Variants in PTPRK observed in about 807,000 individuals in gnomAD.
The protein encoded by PTPRK is receptor-type tyrosine-protein phosphatase kappa.
In PTPRK, 75 loss-of-function variants were observed where a neutral mutation model predicts 178.0. The ratio of observed to expected loss-of-function variants is 0.42; its 90% confidence interval spans 0.35 to 0.51. The LOEUF (loss-of-function observed/expected upper bound fraction) is 0.51. PTPRK is among the 20% of genes least tolerant of loss of function. The probability of loss-of-function intolerance (pLI) is 0.02; values close to 1 mark genes in which losing one functional copy is unlikely to be tolerated. For missense variants in PTPRK, 1,441 were observed against 1,797.8 expected (o/e 0.80, Z 3.59); for synonymous variants, 637 against 620.6 (o/e 1.03, Z -0.39).
chr6:128,409,938 C>A (rs1842111400), intron 1 of PTPRK, among the ~76,000 whole-genome samples: 1 of 152,146 alleles, frequency 6.6e-6, no homozygotes, highest in Non-Finnish European at 1.5e-5. Context: ...TCTTTATCAG[C>A]AGCGTGAAAA....
intron 4 of PTPRK, among the ~76,000 whole-genome samples, chr6:128,242,195 T>C (rs1324863540): frequency 6.6e-6 from 1 of 152,168 alleles, no homozygotes; most frequent in Non-Finnish European, 1.5e-5. Context: ...TTTGCTATTC[T>C]TCTCTGTTTT....
intron 1 of PTPRK, among the ~76,000 whole-genome samples, chr6:128,494,201 T>TAAAAAAAAA (rs11301155): frequency 1.8e-5 from 2 of 112,944 alleles, no homozygotes; most frequent in Non-Finnish European, 3.6e-5. Flanking sequence ...CCCTGTATCT[T>TAAAAAAAAA]AAAAAAAAAA....
intron 2 of PTPRK, among the ~76,000 whole-genome samples, chr6:128,394,967 T>A (rs1311041169): frequency 6.6e-6 from 1 of 152,162 alleles, no homozygotes; most frequent in African/African-American, 2.4e-5. Flanking sequence ...AGCCAGCTTT[T>A]ATAGAGTTCC....
intron 6 of PTPRK, among the ~76,000 whole-genome samples, chr6:128,209,882 G>T (rs775580150): frequency 1.3e-5 from 2 of 152,140 alleles, no homozygotes; most frequent in Non-Finnish European, 2.9e-5. Context: ...AAGGACTGAA[G>T]GGGGTGAGCC....
intron 3 of PTPRK, among the ~76,000 whole-genome samples, chr6:128,266,136 G>A (rs753359011): frequency 6.6e-6 from 1 of 152,120 alleles, no homozygotes; most frequent in Non-Finnish European, 1.5e-5. Context: ...AGACTGAAGT[G>A]ACTAAGCTAG....
At chr6:128,104,001 G>T (rs1490828618) in intron 7 of PTPRK, among the ~76,000 whole-genome samples, 1 of 152,116 alleles carries the variant, frequency 6.6e-6, no homozygotes, top group African/African-American at 2.4e-5. Context: ...TGCCAGCTAC[G>T]CTTCTTGTCC....
At chr6:128,009,028 T>C (rs1271030369) in intron 14 of PTPRK, 102 bp downstream of exon 14, 1 of 1,076,692 alleles carries the variant, frequency 9.3e-7, no homozygotes, top group Non-Finnish European at 1.3e-6. Context: ...AAAATTTTCT[T>C]CCTGTTGTTT....
chr6:128,278,310 C>T (rs1821101066), intron 3 of PTPRK, among the ~76,000 whole-genome samples: 1 of 152,050 alleles, frequency 6.6e-6, no homozygotes, highest in Admixed American at 6.6e-5. Flanking sequence ...GTGCACACCA[C>T]CACGCCCAGG....
intron 13 of PTPRK, among the ~76,000 whole-genome samples, chr6:128,038,236 T>C (rs1347340436): frequency 2.0e-5 from 3 of 152,206 alleles, no homozygotes; most frequent in Admixed American, 1.3e-4. Flanking sequence ...TAATGTACTT[T>C]ATACACATTT....
intron 7 of PTPRK, among the ~76,000 whole-genome samples, chr6:128,167,198 A>C (rs1799536362): frequency 6.6e-6 from 1 of 151,874 alleles, no homozygotes. Flanking sequence ...AAAATGACAG[A>C]AATATGTACA....
chr6:128,118,621 C>A (rs1193820077), intron 7 of PTPRK, among the ~76,000 whole-genome samples: 1 of 152,074 alleles, frequency 6.6e-6, no homozygotes. Flanking sequence ...ATTCTTGTTA[C>A]TGGTATGAGA....
intron 1 of PTPRK, among the ~76,000 whole-genome samples, chr6:128,448,092 T>C (rs1024209242): frequency 1.3e-5 from 2 of 152,188 alleles, no homozygotes; most frequent in African/African-American, 2.4e-5. Context: ...ACCAGCCATG[T>C]TGGATGCCCC....
intron 2 of PTPRK, among the ~76,000 whole-genome samples, chr6:128,373,328 C>T (rs1256897409): frequency 6.6e-6 from 1 of 152,180 alleles, no homozygotes; most frequent in African/African-American, 2.4e-5. Flanking sequence ...TCAGGATAAC[C>T]TATTGCAACA....
chr6:128,383,086 A>C (rs898002503), intron 2 of PTPRK, among the ~76,000 whole-genome samples: 3 of 152,188 alleles, frequency 2.0e-5, no homozygotes, highest in Admixed American at 6.5e-5. Flanking sequence ...GAACAGAAGA[A>C]ATAGTCACCA....
intron 3 of PTPRK, among the ~76,000 whole-genome samples, chr6:128,295,778 T>G (rs1158037621): frequency 1.3e-5 from 2 of 152,098 alleles, no homozygotes; most frequent in African/African-American, 4.8e-5. Flanking sequence ...AAAATTAAAT[T>G]TTTAAGATTC....
chr6:128,228,659 CAAAA>C (rs67092827), intron 5 of PTPRK, among the ~76,000 whole-genome samples: 2 of 111,674 alleles, frequency 1.8e-5, no homozygotes, highest in Non-Finnish European at 1.9e-5. Context: ...GACTCCATCT[CAAAA>C]AAAAAAAAAA....
intron 6 of PTPRK, among the ~76,000 whole-genome samples, chr6:128,189,559 T>A (rs1243158935): frequency 6.6e-6 from 1 of 152,084 alleles, no homozygotes; most frequent in Admixed American, 6.6e-5. Context: ...TTTTTACTAT[T>A]TTTTGTAAAA....
At chr6:128,423,850 A>G (rs886998575) in intron 1 of PTPRK, among the ~76,000 whole-genome samples, 4 of 152,026 alleles carry the variant, frequency 2.6e-5, no homozygotes, top group African/African-American at 7.2e-5. Context: ...AATAAAATAC[A>G]GTACATAAAA....
At chr6:128,151,455 A>C (rs1445790520) in intron 7 of PTPRK, among the ~76,000 whole-genome samples, 1 of 152,042 alleles carries the variant, frequency 6.6e-6, no homozygotes, top group Non-Finnish European at 1.5e-5. Context: ...TGAGGCACTA[A>C]AAATGGTAAG....
Sources: allele counts gnomAD v4.1 joint callset (sites outside exome capture counted in the v4.1 genomes callset), GRCh38; gene constraint gnomAD v4.1.1; transcripts MANE v1.5; gene names NCBI Gene and HGNC (gene_info 2026-07-23, HGNC 2026-07-21).